LAPTM5: variants seen among roughly 807,000 people sequenced by gnomAD.
The protein encoded by LAPTM5 is lysosomal protein transmembrane 5.
LAPTM5 carries 11 observed loss-of-function variants against 30.1 expected under a neutral mutation model. The observed-to-expected ratio is 0.37, with a 90% CI of 0.23 to 0.60. The LOEUF is 0.60. LAPTM5 is among the 20% of genes least tolerant of loss of function. The pLI is 0.71. For missense variants in LAPTM5, 324 were observed against 332.5 expected (o/e 0.97, Z 0.20); for synonymous variants, 151 against 137.9 (o/e 1.10, Z -0.67).
In LAPTM5 at chr1:30,742,201, C is replaced by T. The variant is rs138971241; in HGVS notation, c.181+255G>A. 4,708 of 551,060 alleles carry T rather than the reference C, an allele frequency of 8.5e-3. 33 individuals carry two copies. The highest frequency in any genetic ancestry group is 0.013 in the Middle Eastern group (26 of 2,056). 34.1% of individuals were successfully genotyped at this position (551,060 alleles called of 1,614,324 possible). The stretch of plus-strand genomic sequence containing the variant: ...TTTAAGCAGAAGAGTGAGGCTATCA[C>T]CTTTACCAGCTGGTGGGGATTTGCA... On this transcript the variant is annotated intron_variant, in intron 2 of 7. Coordinates refer to ENST00000294507, the MANE Select transcript of LAPTM5 (RefSeq NM_006762.3).
At chr1:30,742,416 C>G (rs1396729524) in intron 2 of LAPTM5, 40 bp downstream of exon 2, 1 of 1,475,504 alleles carries the variant, frequency 6.8e-7, no homozygotes, top group African/African-American at 1.4e-5. Flanking sequence ...CCTCCCTGTC[C>G]TCCTCCCCCC....
At chr1:30,753,631 C>G (rs1640169034) in intron 1 of LAPTM5, among the ~76,000 whole-genome samples, 1 of 152,068 alleles carries the variant, frequency 6.6e-6, no homozygotes, top group South Asian at 2.1e-4. Context: ...CAAGAAAAAT[C>G]TGAGAAACCA....
chr1:30,752,072 G>A (rs910175183), intron 1 of LAPTM5, among the ~76,000 whole-genome samples: 5 of 152,254 alleles, frequency 3.3e-5, no homozygotes, highest in Admixed American at 3.3e-4. Flanking sequence ...CCCGTAAACT[G>A]GACCATAAAG....
chr1:30,749,516 A>G (rs570325013), intron 1 of LAPTM5, among the ~76,000 whole-genome samples: 1 of 152,234 alleles, frequency 6.6e-6, no homozygotes, highest in African/African-American at 2.4e-5. Context: ...TCAAATAGAG[A>G]TTGGCTGGCA....
Position 30,757,650 on chromosome 1 carries a change from C to T in LAPTM5, c.87+9G>A. The T allele has an allele frequency of 6.2e-7, 1 of 1,612,984 alleles. No individual in the cohort carries two copies. The highest frequency in any genetic ancestry group is 8.5e-7 in the Non-Finnish European group (1 of 1,179,812). ...CGCACGCACACACACCCGGGGCCCG[C>T]ACACTCACCACATGGTAGATGGCCA... is the stretch of plus-strand genomic sequence containing the variant. On this transcript the variant is annotated intron_variant, in intron 1 of 7. Transcript: ENST00000294507.
In LAPTM5 at chr1:30,733,845, G is replaced by A; in HGVS notation, c.772C>T (p.Pro258Ser). 1.9e-6 allele frequency: 3 copies of A among 1,608,628 alleles called. No homozygotes were observed. The highest frequency in any genetic ancestry group is 2.5e-6 in the Non-Finnish European group (3 of 1,178,740). The change falls in exon 8 of 8, where the codon CCA becomes TCA. Residue 258 changes from proline to serine, a missense_variant. Physicochemically the swap from Pro to Ser is moderately conservative, Grantham distance 74 (BLOSUM62 -1). Coordinates refer to ENST00000294507, the MANE Select transcript of LAPTM5 (RefSeq NM_006762.3). ...GGCGAGGGTCACACCTCTGAGTATG[G>A]GGGTGGTGCTGGGCCCCCCTCTGGG... ...KTPEGGPAPP[P>S]YSEV is the part of the protein sequence containing the mutation.
intron 3 of LAPTM5, among the ~76,000 whole-genome samples, chr1:30,741,171 T>G (rs1639965441): frequency 6.6e-6 from 1 of 152,210 alleles, no homozygotes; most frequent in East Asian, 1.9e-4. Context: ...TTCCAGGGCG[T>G]AGGTCCCCCT....
chr1:30,736,259 C>G (rs556140603), intron 6 of LAPTM5, among the ~76,000 whole-genome samples: 66 of 152,180 alleles, frequency 4.3e-4, no homozygotes, highest in South Asian at 1.5e-3. Context: ...CATTAGGTGA[C>G]AGCAGAGACT....
intron 1 of LAPTM5, among the ~76,000 whole-genome samples, chr1:30,753,380 G>A (rs1451378660): frequency 6.6e-6 from 1 of 152,114 alleles, no homozygotes; most frequent in Non-Finnish European, 1.5e-5. Context: ...GAGAAAAAAA[G>A]AGTAACTTTA....
At chr1:30,738,886 C>G in intron 5 of LAPTM5, 54 bp downstream of exon 5, 2 of 1,551,350 alleles carry the variant, frequency 1.3e-6, no homozygotes, top group South Asian at 2.4e-5. Flanking sequence ...GTGAAGTAAC[C>G]TGTTCAAGGC....
intron 1 of LAPTM5, among the ~76,000 whole-genome samples, chr1:30,756,764 G>A (rs1431490236): frequency 6.6e-6 from 1 of 152,214 alleles, no homozygotes; most frequent in African/African-American, 2.4e-5. Context: ...AGCCCTTCCA[G>A]ACTCATGAGA....
chr1:30,755,067 G>A (rs1293857237), intron 1 of LAPTM5, among the ~76,000 whole-genome samples: 1 of 152,180 alleles, frequency 6.6e-6, no homozygotes, highest in Non-Finnish European at 1.5e-5. Context: ...CCCCACTGGA[G>A]TCAACTGAGG....
chr1:30,733,864 C>T lies in LAPTM5; in HGVS notation c.753G>A (p.Glu251=), dbSNP rs1021393675. The change falls in exon 8 of 8, where the codon GAG becomes GAA. Residue 251 remains glutamate, a synonymous_variant. Coordinates refer to ENST00000294507, the MANE Select transcript of LAPTM5 (RefSeq NM_006762.3). ...EALSLPSKTP[E]GGPAPPPYSE... ...AGTATGGGGGTGGTGCTGGGCCCCCCTCTGGGGTCTTCGATGGCAAAGACA... is the reference window on the plus strand; with the variant it reads ...AGTATGGGGGTGGTGCTGGGCCCCCTTCTGGGGTCTTCGATGGCAAAGACA... 3 of 1,610,710 alleles carry T rather than the reference C, an allele frequency of 1.9e-6. No homozygotes were observed. The highest frequency in any genetic ancestry group is 1.7e-6 in the Non-Finnish European group (2 of 1,179,262).
At chr1:30,737,887 G>A (rs569602866) in intron 5 of LAPTM5, among the ~76,000 whole-genome samples, 188 bp from the exon 6 acceptor site, 23 of 152,258 alleles carry the variant, frequency 1.5e-4, no homozygotes, top group Admixed American at 9.8e-4. Context: ...TCCCACTGAC[G>A]GGCAAACCAA....
intron 1 of LAPTM5, among the ~76,000 whole-genome samples, chr1:30,752,823 T>C (rs1372055402): frequency 1.3e-5 from 2 of 151,918 alleles, no homozygotes; most frequent in African/African-American, 2.4e-5. Context: ...CTTTACCTTT[T>C]TTTTTTTTAA....
At chr1:30,734,976 G>A (rs1240914225) in intron 7 of LAPTM5, among the ~76,000 whole-genome samples, 197 bp downstream of exon 7, 1 of 152,236 alleles carries the variant, frequency 6.6e-6, no homozygotes, top group African/African-American at 2.4e-5. Context: ...CAAAGAGTGA[G>A]AGGCAGTAAA....
rs191901576 is a variant in LAPTM5, at chr1:30,753,386, C to G, written c.87+4273G>C. Among the ~76,000 whole-genome samples the G allele has an allele frequency of 4.9e-3, 739 of 152,248 alleles. 5 individuals carry two copies. Among genetic ancestry groups the G allele is most frequent in the Non-Finnish European group, 8.5e-3 (578 of 68,010 alleles). Reference sequence around the variant, plus strand: ...CATGGAAAGGAGAAAAAAAGAGTAACTTTACAAAGGAGTAACCTCAGCCGG... The same window carrying G: ...CATGGAAAGGAGAAAAAAAGAGTAAGTTTACAAAGGAGTAACCTCAGCCGG... On this transcript the variant is annotated intron_variant, in intron 1 of 7. Transcript: ENST00000294507.
At chr1:30,747,062 T>C (rs943995104) in intron 1 of LAPTM5, among the ~76,000 whole-genome samples, 24 of 152,138 alleles carry the variant, frequency 1.6e-4, no homozygotes, top group Admixed American at 3.3e-4. Context: ...CTCAGAGCCA[T>C]GACAGAGGAC....
At chr1:30,754,039 T>C (rs942251560) in intron 1 of LAPTM5, among the ~76,000 whole-genome samples, 1 of 152,224 alleles carries the variant, frequency 6.6e-6, no homozygotes, top group African/African-American at 2.4e-5. Flanking sequence ...TTGACACTGT[T>C]GAAATCATAG....
Sources: gnomAD v4.1 joint callset for allele counts (sites outside exome capture counted in the v4.1 genomes callset) on GRCh38, gnomAD v4.1.1 for gene constraint, MANE v1.5 for transcripts, NCBI Gene and HGNC (gene_info 2026-07-23, HGNC 2026-07-21) for gene names.